The following CELF4 variants were observed in gnomAD, a reference collection of about 807,000 sequenced individuals.
The protein encoded by CELF4 is CUGBP Elav-like family member 4, also known as CUG-BP- and ETR-3-like factor 4.
A neutral mutation model predicts 59.9 loss-of-function variants in CELF4; 18 were observed. That is an observed-to-expected ratio of 0.30 (90% CI 0.21 to 0.45). The LOEUF (loss-of-function observed/expected upper bound fraction) is 0.45. Ranked by LOEUF, CELF4 falls within the 20% of genes least tolerant of loss-of-function variation. The pLI, the probability that CELF4 is intolerant of heterozygous loss-of-function variation, is 1.00. For missense variants in CELF4, 456 were observed against 689.0 expected (o/e 0.66, Z 3.79); for synonymous variants, 261 against 267.1 (o/e 0.98, Z 0.22).
At position 37,388,266 on chromosome 18, in the gene CELF4, C is replaced by T. The variant is rs184917623; in HGVS notation, c.370-66385G>A. On this transcript the variant is annotated intron_variant, in intron 2 of 12. Transcript: ENST00000420428. ...TGGTGCCAGAAGTCATGCACCATTG[C>T]GTGAAGAGATGGGGTAGGGAATACT... Among the ~76,000 whole-genome samples, 147 of 152,190 alleles carry T rather than the reference C, an allele frequency of 9.7e-4. 2 individuals carry two copies. Among genetic ancestry groups the T allele is most frequent in the African/African-American group, 3.0e-3 (124 of 41,516 alleles).
At chr18:37,348,630 G>A (rs761299110) in intron 2 of CELF4, among the ~76,000 whole-genome samples, 10 of 151,964 alleles carry the variant, frequency 6.6e-5, no homozygotes, top group Non-Finnish European at 1.2e-4. Flanking sequence ...TGGGGGGATG[G>A]GAGCAAAATT....
chr18:37,365,509 G>A (rs1294766478), intron 2 of CELF4, among the ~76,000 whole-genome samples: 1 of 113,046 alleles, frequency 8.8e-6, no homozygotes, highest in Non-Finnish European at 1.8e-5. Context: ...TTTTTGAGAT[G>A]GAGTCTTGTT....
At chr18:37,423,087 CAGAG>C (rs138618926) in intron 2 of CELF4, among the ~76,000 whole-genome samples, 6 of 150,192 alleles carry the variant, frequency 4.0e-5, no homozygotes, top group South Asian at 2.1e-4. Flanking sequence ...CACACAGAGA[CAGAG>C]AGAGAGAGAG....
chr18:37,490,067 A>T (rs1331880121), intron 1 of CELF4, among the ~76,000 whole-genome samples: 1 of 152,238 alleles, frequency 6.6e-6, no homozygotes, highest in African/African-American at 2.4e-5. Context: ...GTGAATACTC[A>T]AAAGCAGTTA....
At chr18:37,384,021 A>G (rs1411329801) in intron 2 of CELF4, among the ~76,000 whole-genome samples, 1 of 152,214 alleles carries the variant, frequency 6.6e-6, no homozygotes, top group Non-Finnish European at 1.5e-5. Flanking sequence ...CGGCTCCTCC[A>G]CTGCTCCCCA....
At chr18:37,270,711 A>C in intron 8 of CELF4, 57 bp downstream of exon 8, 1 of 1,599,414 alleles carries the variant, frequency 6.3e-7, no homozygotes, top group Admixed American at 1.7e-5. Context: ...AAGGGCAGGG[A>C]CAGCATGGAT....
At chr18:37,470,876 GTGTGTGTGT>G (rs2099819705) in intron 2 of CELF4, among the ~76,000 whole-genome samples, 2 of 114,862 alleles carry the variant, frequency 1.7e-5, no homozygotes, top group Non-Finnish European at 3.6e-5. Flanking sequence ...GTGTGTGTGT[GTGTGTGTGT>G]GTGACAGAGA....
chr18:37,552,824 C>G (rs1010175072), intron 1 of CELF4, among the ~76,000 whole-genome samples: 2 of 152,204 alleles, frequency 1.3e-5, no homozygotes, highest in Admixed American at 6.5e-5. Context: ...CAGCTGGGGT[C>G]TCCTGGAGGA....
intron 3 of CELF4, among the ~76,000 whole-genome samples, chr18:37,283,420 T>C (rs1347520034): frequency 1.3e-5 from 2 of 152,100 alleles, no homozygotes; most frequent in African/African-American, 4.8e-5. Context: ...TGTAAGGGGC[T>C]ACACAGGCAC....
chr18:37,561,532 GC>G (rs150304082), intron 1 of CELF4, among the ~76,000 whole-genome samples: 3,079 of 152,290 alleles, frequency 0.02, 110 homozygotes, highest in African/African-American at 0.07. Flanking sequence ...AGTCTTTGCT[GC>G]CTCCCATCCA....
chr18:37,497,670 A>G (rs1569569654), intron 1 of CELF4, among the ~76,000 whole-genome samples: 1 of 152,076 alleles, frequency 6.6e-6, no homozygotes, highest in Non-Finnish European at 1.5e-5. Flanking sequence ...AAAAAAAGAA[A>G]AAAGAAAGAC....
intron 2 of CELF4, among the ~76,000 whole-genome samples, chr18:37,408,004 C>G (rs1362563748): frequency 1.3e-5 from 2 of 152,292 alleles, no homozygotes; most frequent in East Asian, 3.9e-4. Flanking sequence ...AACCGCAACA[C>G]TGTGTGTACC....
At chr18:37,513,295 C>G (rs1330767184) in intron 1 of CELF4, among the ~76,000 whole-genome samples, 1 of 152,230 alleles carries the variant, frequency 6.6e-6, no homozygotes, top group African/African-American at 2.4e-5. Context: ...CATCCCTACT[C>G]TGCCACATGC....
chr18:37,553,445 C>A (rs527522027), intron 1 of CELF4, among the ~76,000 whole-genome samples: 1 of 152,096 alleles, frequency 6.6e-6, no homozygotes, highest in African/African-American at 2.4e-5. Context: ...GCAGAAGTTC[C>A]GGGACACAGC....
rs938055959 is a variant in CELF4, at chr18:37,477,224, A to C, written c.369+8301T>G. On this transcript the variant is annotated intron_variant, in intron 2 of 12. Coordinates refer to ENST00000420428, the MANE Select transcript of CELF4 (RefSeq NM_020180.4). Reference sequence around the variant, plus strand: ...AATCCAAGATGGGAACTCTGGAGTTAATGGAGCAGCCTGGGCCCCAAGGGC... The same window carrying C: ...AATCCAAGATGGGAACTCTGGAGTTCATGGAGCAGCCTGGGCCCCAAGGGC... Among the ~76,000 whole-genome samples the C allele has an allele frequency of 5.3e-5, 8 of 152,324 alleles. No individual in the cohort carries two copies. The South Asian group carries it at 1.2e-3, about 24-fold the overall frequency.
At chr18:37,339,588 T>C (rs1351175954) in intron 2 of CELF4, among the ~76,000 whole-genome samples, 3 of 152,064 alleles carry the variant, frequency 2.0e-5, no homozygotes, top group Non-Finnish European at 4.4e-5. Context: ...ACCCCATCTC[T>C]ACTAAAAATA....
chr18:37,447,588 G>A (rs2099751695), intron 2 of CELF4, among the ~76,000 whole-genome samples: 2 of 152,198 alleles, frequency 1.3e-5, no homozygotes, highest in South Asian at 4.1e-4. Context: ...CTCCCCAGGG[G>A]CCCTGGCCCA....
chr18:37,402,991 G>C (rs995605690), intron 2 of CELF4, among the ~76,000 whole-genome samples: 5 of 152,214 alleles, frequency 3.3e-5, no homozygotes, highest in African/African-American at 1.2e-4. Context: ...GCTTCTTGTG[G>C]CTCCGTGGGG....
chr18:37,293,306 C>T (rs1289243574), intron 3 of CELF4, among the ~76,000 whole-genome samples: 6 of 152,340 alleles, frequency 3.9e-5, no homozygotes, highest in African/African-American at 1.4e-4. Context: ...CAGTGGGGTT[C>T]TTTCCTTGCC....
Sources: allele counts gnomAD v4.1 joint callset (sites outside exome capture counted in the v4.1 genomes callset), GRCh38; gene constraint gnomAD v4.1.1; transcripts MANE v1.5; gene names NCBI Gene and HGNC (gene_info 2026-07-23, HGNC 2026-07-21).